LARP4B: variants seen among roughly 807,000 people sequenced by gnomAD.
LARP4B encodes la-related protein 4B.
Under a neutral mutation model 89.8 loss-of-function variants are expected in LARP4B, and 12 were observed. The observed-to-expected ratio is 0.13, with a 90% CI of 0.09 to 0.22. LARP4B has a LOEUF of 0.22. Ranked by LOEUF, LARP4B falls within the 10% of genes least tolerant of loss-of-function variation. The probability of loss-of-function intolerance (pLI) is 1.00; values close to 1 mark genes in which losing one functional copy is unlikely to be tolerated. For synonymous variants in LARP4B, 367 were observed against 363.3 expected, an observed-to-expected ratio of 1.01 and a Z score of -0.12; for missense variants, 757 against 947.7, an observed-to-expected ratio of 0.80 and a Z score of 2.64.
chr10:921,222 G>A (rs986427905), intron 1 of LARP4B, among the ~76,000 whole-genome samples: 6 of 151,518 alleles, frequency 4.0e-5, no homozygotes, highest in Non-Finnish European at 5.9e-5. Context: ...GCAGTGAGCC[G>A]AGATCGCACC....
At chr10:858,568 T>G (rs1003514349) in intron 5 of LARP4B, among the ~76,000 whole-genome samples, 1 of 152,176 alleles carries the variant, frequency 6.6e-6, no homozygotes, top group Admixed American at 6.5e-5. Context: ...ATTTTAAATT[T>G]TGTACATCAA....
chr10:811,640 A>G lies in LARP4B; in HGVS notation c.*1286T>C, dbSNP rs1332528533. The G allele has an allele frequency of 1.3e-5, 2 of 152,648 alleles. No individual in the cohort carries two copies. The highest frequency in any genetic ancestry group is 2.9e-5 in the Non-Finnish European group (2 of 68,040). 9.5% of individuals were successfully genotyped at this position (152,648 alleles called of 1,614,324 possible). On this transcript the variant is annotated 3_prime_UTR_variant, in exon 18 of 18. Coordinates refer to ENST00000316157, the MANE Select transcript of LARP4B (RefSeq NM_015155.3). ...CATTTTCAAGTTTAAATAAAATTCA[A>G]GTCTTTAAATATTGGATGGAAATAA... is the stretch of plus-strand genomic sequence containing the variant.
At chr10:910,251 T>TA (rs1836631982) in intron 1 of LARP4B, among the ~76,000 whole-genome samples, 1 of 152,206 alleles carries the variant, frequency 6.6e-6, no homozygotes, top group Non-Finnish European at 1.5e-5. Context: ...CAACTTCTGC[T>TA]AATGGGGTGT....
the LARP4B span, among the ~76,000 whole-genome samples, chr10:970,188 A>C: frequency 6.6e-6 from 1 of 152,248 alleles, no homozygotes; most frequent in African/African-American, 2.4e-5. Flanking sequence ...GGATTCGATG[A>C]CTATACATTT....
rs1831802276 is a variant in LARP4B at position 812,696 on chromosome 10, C to T, written c.*230G>A. ...AAAAAAAAATCAGACTTATGCATCA[C>T]CTCCAGTTAAGCACCAACCTAAAAT... On this transcript the variant is annotated 3_prime_UTR_variant, in exon 18 of 18. Transcript: ENST00000316157. 2.6e-6 allele frequency: 1 copy of T among 378,182 alleles called. No individual in the cohort carries two copies. The highest frequency in any genetic ancestry group is 4.7e-6 in the Non-Finnish European group (1 of 214,770). 23.4% of individuals were successfully genotyped at this position (378,182 alleles called of 1,614,324 possible). A position where few individuals can be genotyped will look rare whatever the true frequency, so the allele number is the denominator to read the frequency against.
chr10:886,460 G>A (rs1332937143), intron 1 of LARP4B, among the ~76,000 whole-genome samples: 18 of 152,156 alleles, frequency 1.2e-4, no homozygotes, highest in Non-Finnish European at 2.6e-4. Context: ...TTTATCCAAA[G>A]GCAATGAAAT....
chr10:812,025 A>T lies in LARP4B; in HGVS notation c.*901T>A, dbSNP rs1316719113. ...CATGTGCTGATGCAGAGGTACAGGG[A>T]GATGTCCACACGGAGCTGAAGATGT... is the stretch of plus-strand genomic sequence containing the variant. On this transcript the variant is annotated 3_prime_UTR_variant, in exon 18 of 18. Transcript: ENST00000316157. 6.6e-6 allele frequency: 1 copy of T among 152,624 alleles called. No homozygotes were observed. The highest frequency in any genetic ancestry group is 1.9e-4 in the East Asian group (1 of 5,196). 9.5% of individuals were successfully genotyped at this position (152,624 alleles called of 1,614,324 possible).
At chr10:945,715 A>G in the LARP4B span, among the ~76,000 whole-genome samples, 1 of 151,730 alleles carries the variant, frequency 6.6e-6, no homozygotes, top group African/African-American at 2.4e-5. Context: ...ACATTTTAGC[A>G]TTACTATGTG....
At chr10:879,299 C>G (rs1312950980) in intron 3 of LARP4B, among the ~76,000 whole-genome samples, 1 of 152,246 alleles carries the variant, frequency 6.6e-6, no homozygotes, top group Non-Finnish European at 1.5e-5. Flanking sequence ...GGCATCTGGT[C>G]AGAGTATCCC....
chr10:947,865 T>C, the LARP4B span, among the ~76,000 whole-genome samples: 1 of 152,020 alleles, frequency 6.6e-6, no homozygotes, highest in African/African-American at 2.4e-5. Context: ...TCAGGTGATC[T>C]GCCCACCTCG....
intron 15 of LARP4B, 125 bp downstream of exon 15, chr10:817,600 C>T (rs1462156253): frequency 8.8e-6 from 8 of 907,424 alleles, no homozygotes; most frequent in African/African-American, 5.0e-5. Context: ...TCTGCAATCA[C>T]GTGGCCTCCA....
At chr10:932,029 C>G (rs1830642221), upstream of LARP4B, among the ~76,000 whole-genome samples, 1 of 149,804 alleles carries the variant, frequency 6.7e-6, no homozygotes, top group Admixed American at 6.6e-5. Flanking sequence ...GCGCCTGACG[C>G]TGGGGGGCCG....
At chr10:813,801 CT>C (rs35886091) in intron 17 of LARP4B, among the ~76,000 whole-genome samples, 45,608 of 136,056 alleles carry the variant, frequency 0.34, 7,385 homozygotes, top group South Asian at 0.44. Flanking sequence ...CCCTTAATAA[CT>C]TTTTTTTTTT....
chr10:925,543 AT>A (rs372463341), intron 1 of LARP4B, among the ~76,000 whole-genome samples: 5 of 151,718 alleles, frequency 3.3e-5, no homozygotes, highest in Non-Finnish European at 7.4e-5. Flanking sequence ...ATTTTATTTC[AT>A]TTTTTTTCAG....
downstream of LARP4B, chr10:808,756 CACACACACACACGCACACAT>C (rs1442770532): frequency 6.7e-6 from 1 of 150,062 alleles, no homozygotes; most frequent in Non-Finnish European, 1.5e-5. Context: ...TGCACGCACA[CACACACACACACGCACACAT>C]ACACACACAC....
At chr10:831,086 A>G in intron 8 of LARP4B, 109 bp from the exon 9 acceptor site, 1 of 505,844 alleles carries the variant, frequency 2.0e-6, no homozygotes, top group Non-Finnish European at 3.5e-6. Flanking sequence ...CCTTAAACAA[A>G]CGTACCATGA....
At chr10:903,131 T>C (rs574992643) in intron 1 of LARP4B, 18 of 152,236 alleles carry the variant, frequency 1.2e-4, no homozygotes, top group Non-Finnish European at 2.5e-4. Context: ...TGGCAGGATG[T>C]GTGCTGGATG....
At chr10:905,913 C>T (rs1366252669) in intron 1 of LARP4B, among the ~76,000 whole-genome samples, 1 of 152,210 alleles carries the variant, frequency 6.6e-6, no homozygotes, top group Non-Finnish European at 1.5e-5. Context: ...CCCACTCTAC[C>T]CTCTTCCACT....
At chr10:904,798 T>C (rs550949129) in intron 1 of LARP4B, among the ~76,000 whole-genome samples, 1 of 152,130 alleles carries the variant, frequency 6.6e-6, no homozygotes, top group Non-Finnish European at 1.5e-5. Context: ...TGTCATGTTC[T>C]TTACTGCTGA....
Sources: allele counts gnomAD v4.1 joint callset (sites outside exome capture counted in the v4.1 genomes callset), GRCh38; gene constraint gnomAD v4.1.1; transcripts MANE v1.5; gene names NCBI Gene and HGNC (gene_info 2026-07-23, HGNC 2026-07-21).